Variants in PEAK1 observed in about 807,000 individuals in gnomAD.
PEAK1 encodes pseudopodium enriched atypical kinase 1, also known as inactive tyrosine-protein kinase PEAK1.
Under a neutral mutation model 124.7 loss-of-function variants are expected in PEAK1, and 54 were observed. The ratio of observed to expected loss-of-function variants is 0.43; its 90% CI spans 0.35 to 0.54. The LOEUF (loss-of-function observed/expected upper bound fraction) is 0.54, where lower values mean the gene tolerates loss of function less well. Ranked by LOEUF, PEAK1 falls within the 20% of genes least tolerant of loss-of-function variation. The pLI is 0.01. For missense variants in PEAK1, 2,046 were observed against 2,134.5 expected (o/e 0.96, Z 0.82); for synonymous variants, 719 against 760.0 (o/e 0.95, Z 0.89).
intron 5 of PEAK1, among the ~76,000 whole-genome samples, chr15:77,262,880 G>C (rs2061515354): frequency 1.3e-5 from 2 of 152,156 alleles, no homozygotes; most frequent in East Asian, 1.9e-4. Context: ...AAATGTAAAA[G>C]AACAGAAATT....
At chr15:77,103,809 G>A (rs1354720627), downstream of PEAK1, 2 of 152,276 alleles carry the variant, frequency 1.3e-5, no homozygotes, top group Non-Finnish European at 2.9e-5. Context: ...GGGGCCTTGA[G>A]AGGAAATGTC....
At chr15:77,254,966 G>T (rs967629998) in intron 5 of PEAK1, among the ~76,000 whole-genome samples, 1 of 152,172 alleles carries the variant, frequency 6.6e-6, no homozygotes, top group Non-Finnish European at 1.5e-5. Context: ...AAGAGAATGG[G>T]AAGGTGAAGA....
At position 77,258,906 on chromosome 15, in the gene PEAK1, A is replaced by G. The variant is rs1247997987; in HGVS notation, c.-274-6380T>C. Reference sequence around the variant, plus strand: ...TTATTTTGAGATACGTCCCATCAATACCTAATTTATTGAGAGTTTTTAGCA... The same window carrying G: ...TTATTTTGAGATACGTCCCATCAATGCCTAATTTATTGAGAGTTTTTAGCA... On this transcript the variant is annotated intron_variant, in intron 5 of 9. Coordinates refer to ENST00000682557, the MANE Select transcript of PEAK1 (RefSeq NM_001385026.1). 2.0e-5 allele frequency among the ~76,000 whole-genome samples: 3 copies of G among 152,258 alleles called. No homozygotes were observed. In the East Asian group the frequency reaches 5.8e-4, roughly 29 times the overall value.
At chr15:77,267,035 G>C (rs1408028196) in intron 5 of PEAK1, among the ~76,000 whole-genome samples, 1 of 152,114 alleles carries the variant, frequency 6.6e-6, no homozygotes, top group Non-Finnish European at 1.5e-5. Context: ...TTTGGGCAGT[G>C]GGATGCATGG....
intron 1 of PEAK1, among the ~76,000 whole-genome samples, chr15:77,371,814 G>A (rs951648592): frequency 6.6e-6 from 1 of 152,232 alleles, no homozygotes; most frequent in East Asian, 1.9e-4. Context: ...CTTGAAGGAG[G>A]TGGAGGTTGC....
chr15:77,301,384 G>C (rs1171985002), intron 2 of PEAK1, among the ~76,000 whole-genome samples: 1 of 152,146 alleles, frequency 6.6e-6, no homozygotes, highest in Non-Finnish European at 1.5e-5. Flanking sequence ...AATCCTTAAT[G>C]TAAAGACATC....
chr15:77,404,827 A>C (rs2071675308), intron 1 of PEAK1: 1 of 957,432 alleles, frequency 1.0e-6, no homozygotes, highest in Non-Finnish European at 1.2e-6. Flanking sequence ...AACTTATCGA[A>C]TGTAACTTAG....
In PEAK1 at chr15:77,179,064, G is replaced by C; in HGVS notation, c.2863C>G (p.Leu955Val). The C allele has an allele frequency of 6.2e-7, 1 of 1,614,136 alleles. No homozygotes were observed. The highest frequency in any genetic ancestry group is 8.5e-7 in the Non-Finnish European group (1 of 1,180,016). The change falls in exon 7 of 10, where the codon CTG becomes GTG. Residue 955 changes from leucine to valine, a missense_variant. Leu to Val is a conservative substitution (Grantham distance 32). Transcript: ENST00000682557. Reference protein sequence around the residue: ...KEREKGKLVGLDGTVIHMLPP... With the variant: ...KEREKGKLVGVDGTVIHMLPP... ...AGCATGTGAATGACTGTGCCATCCA[G>C]GCCCACCAGTTTCCCTTTCTCTCGC...
intron 7 of PEAK1, among the ~76,000 whole-genome samples, chr15:77,176,825 A>G (rs1269804536): frequency 2.6e-5 from 4 of 152,174 alleles, no homozygotes; most frequent in Non-Finnish European, 5.9e-5. Context: ...GCCTTCTAAG[A>G]TGTGGATAGA....
intron 2 of PEAK1, chr15:77,346,351 G>C: frequency 1.0e-6 from 1 of 983,090 alleles, no homozygotes; most frequent in Non-Finnish European, 1.2e-6. Flanking sequence ...TGTAAACCTG[G>C]AATTTGTTCC....
chr15:77,397,419 ACCAAAC>A (rs2070981962), intron 1 of PEAK1, among the ~76,000 whole-genome samples: 3 of 152,090 alleles, frequency 2.0e-5, no homozygotes, highest in Admixed American at 2.0e-4. Context: ...GCAAGAGCAA[ACCAAAC>A]CCAAAATTAG....
intron 1 of PEAK1, among the ~76,000 whole-genome samples, chr15:77,397,394 TAAAG>T (rs2070980309): frequency 6.6e-6 from 1 of 151,298 alleles, no homozygotes; most frequent in South Asian, 2.1e-4. Flanking sequence ...CAATGCAACT[TAAAG>T]AACTAGAAAA....
At chr15:77,407,038 A>G (rs183249410) in intron 1 of PEAK1, among the ~76,000 whole-genome samples, 1 of 152,318 alleles carries the variant, frequency 6.6e-6, no homozygotes, top group East Asian at 1.9e-4. Context: ...TACCCTATTC[A>G]ACAAATGGTG....
intron 9 of PEAK1, among the ~76,000 whole-genome samples, chr15:77,119,281 C>T (rs1254209513): frequency 6.6e-6 from 1 of 152,212 alleles, no homozygotes; most frequent in South Asian, 2.1e-4. Context: ...TCAAAAGGGA[C>T]AGCCAGTCAG....
chr15:77,215,890 T>A (rs1473507664), intron 6 of PEAK1, among the ~76,000 whole-genome samples: 4 of 144,460 alleles, frequency 2.8e-5, no homozygotes, highest in Admixed American at 2.1e-4. Flanking sequence ...AGATTTATGA[T>A]CAATTTTGAG....
intron 2 of PEAK1, among the ~76,000 whole-genome samples, chr15:77,358,986 T>G (rs1294502565): frequency 6.6e-6 from 1 of 152,176 alleles, no homozygotes; most frequent in Non-Finnish European, 1.5e-5. Context: ...TACAGAAAGA[T>G]CTCAATAAGC....
intron 2 of PEAK1, among the ~76,000 whole-genome samples, chr15:77,330,726 A>G (rs959463285): frequency 6.6e-6 from 1 of 152,154 alleles, no homozygotes; most frequent in Non-Finnish European, 1.5e-5. Context: ...TCCCTGACCT[A>G]TGGTATATAA....
chr15:77,225,159 G>T (rs1367104411), intron 6 of PEAK1, among the ~76,000 whole-genome samples: 2 of 152,026 alleles, frequency 1.3e-5, no homozygotes, highest in Non-Finnish European at 2.9e-5. Context: ...GCACTTTGAA[G>T]TAACTTGCCC....
intron 2 of PEAK1, among the ~76,000 whole-genome samples, chr15:77,323,499 G>A (rs1050715135): frequency 3.6e-4 from 55 of 152,048 alleles, no homozygotes; most frequent in African/African-American, 7.5e-4. Flanking sequence ...ACAGACAAAC[G>A]GAGAGCCAAA....
Sources: allele counts gnomAD v4.1 joint callset (sites outside exome capture counted in the v4.1 genomes callset), GRCh38; gene constraint gnomAD v4.1.1; transcripts MANE v1.5; gene names NCBI Gene and HGNC (gene_info 2026-07-23, HGNC 2026-07-21).